KCNMB2: variants seen among roughly 807,000 people sequenced by gnomAD.
The protein encoded by KCNMB2 is calcium-activated potassium channel subunit beta-2.
Under a neutral mutation model 24.5 loss-of-function variants are expected in KCNMB2, and 9 were observed. That is an observed-to-expected ratio of 0.37 (90% CI 0.22 to 0.64). The LOEUF (loss-of-function observed/expected upper bound fraction) is 0.64. KCNMB2 is among the 30% of genes least tolerant of loss of function. The pLI is 0.63. For synonymous variants in KCNMB2, 109 were observed against 104.4 expected (o/e 1.04, Z -0.27); for missense variants, 226 against 284.3 (o/e 0.79, Z 1.47).
intron 1 of KCNMB2, among the ~76,000 whole-genome samples, chr3:178,806,261 AGAACCTG>A (rs1173274621): frequency 2.0e-5 from 3 of 152,262 alleles, no homozygotes; most frequent in African/African-American, 7.2e-5. Context: ...AGCATCATTT[AGAACCTG>A]GAAATAATAT....
rs58795423 is a variant in KCNMB2, at chr3:178,663,654, G to T, written c.-68+126943G>T. Among the ~76,000 whole-genome samples, 796 of 152,192 alleles carry T rather than the reference G, an allele frequency of 5.2e-3. 30 individuals are homozygous for T. In the East Asian group the frequency reaches 0.065, roughly 12 times the overall value. On this transcript the variant is annotated intron_variant, in intron 1 of 4. Coordinates refer to ENST00000452583, the MANE Select transcript of KCNMB2 (RefSeq NM_181361.3). ...TACTAGAAAGATTGAACTTTACATAGCTGCTCTCTAGGGACCTAGCTGATA... is the reference window on the plus strand; with the variant it reads ...TACTAGAAAGATTGAACTTTACATATCTGCTCTCTAGGGACCTAGCTGATA...
chr3:178,738,972 G>A (rs1723406641), intron 1 of KCNMB2, among the ~76,000 whole-genome samples: 1 of 152,036 alleles, frequency 6.6e-6, no homozygotes, highest in African/African-American at 2.4e-5. Flanking sequence ...AAATAATGCT[G>A]TGCAGGACAA....
At chr3:178,794,655 G>C (rs1713462389) in intron 1 of KCNMB2, among the ~76,000 whole-genome samples, 1 of 152,214 alleles carries the variant, frequency 6.6e-6, no homozygotes, top group Non-Finnish European at 1.5e-5. Flanking sequence ...CAGAAGCAGT[G>C]AGCACTAAGA....
intron 1 of KCNMB2, among the ~76,000 whole-genome samples, chr3:178,551,514 T>C (rs542028188): frequency 6.6e-6 from 1 of 152,328 alleles, no homozygotes; most frequent in South Asian, 2.1e-4. Flanking sequence ...CTAAGACATG[T>C]GCATTTTCAG....
At chr3:178,777,205 G>A (rs1712616851) in intron 1 of KCNMB2, among the ~76,000 whole-genome samples, 1 of 152,242 alleles carries the variant, frequency 6.6e-6, no homozygotes, top group East Asian at 1.9e-4. Context: ...GCAGGTCAAG[G>A]CAGGCAGATC....
intron 1 of KCNMB2, among the ~76,000 whole-genome samples, chr3:178,770,953 A>T (rs561041503): frequency 9.2e-5 from 14 of 152,310 alleles, no homozygotes; most frequent in African/African-American, 3.4e-4. Context: ...ATGAATAGAG[A>T]TGCCTGGCAG....
At chr3:178,679,284 A>G (rs1577091787) in intron 1 of KCNMB2, among the ~76,000 whole-genome samples, 1 of 152,042 alleles carries the variant, frequency 6.6e-6, no homozygotes, top group African/African-American at 2.4e-5. Flanking sequence ...AGGCTGGAGT[A>G]CAGTGGTGCA....
chr3:178,646,395 G>T (rs559248478), intron 1 of KCNMB2, among the ~76,000 whole-genome samples: 2 of 152,150 alleles, frequency 1.3e-5, no homozygotes, highest in Admixed American at 1.3e-4. Context: ...TGGTTTAACT[G>T]CCAGCTTCAT....
chr3:178,667,999 T>A (rs150304010), intron 1 of KCNMB2, among the ~76,000 whole-genome samples: 1 of 152,164 alleles, frequency 6.6e-6, no homozygotes, highest in Non-Finnish European at 1.5e-5. Flanking sequence ...TATCTCTTTT[T>A]ACATAAAAAC....
chr3:178,710,949 C>T (rs1300304600), intron 1 of KCNMB2, among the ~76,000 whole-genome samples: 1 of 152,114 alleles, frequency 6.6e-6, no homozygotes, highest in Non-Finnish European at 1.5e-5. Flanking sequence ...GAGCTGGAGA[C>T]ACGGGGCTGA....
intron 1 of KCNMB2, among the ~76,000 whole-genome samples, chr3:178,553,418 G>A (rs1233451599): frequency 2.0e-5 from 3 of 152,072 alleles, no homozygotes; most frequent in African/African-American, 7.2e-5. Context: ...TAAAAGGCAT[G>A]GACAAACCAC....
chr3:178,836,817 T>C (rs371294586), intron 4 of KCNMB2, among the ~76,000 whole-genome samples: 37 of 152,208 alleles, frequency 2.4e-4, no homozygotes, highest in Middle Eastern at 3.4e-3. Context: ...AAAAGAGAGA[T>C]CTAAAAATGA....
intron 1 of KCNMB2, among the ~76,000 whole-genome samples, chr3:178,609,351 T>C (rs1404086596): frequency 6.6e-6 from 1 of 152,186 alleles, no homozygotes; most frequent in East Asian, 1.9e-4. Flanking sequence ...TTTTTTCCTA[T>C]AGAGTCGTTT....
At chr3:178,640,191 G>T (rs138282524) in intron 1 of KCNMB2, among the ~76,000 whole-genome samples, 1 of 152,096 alleles carries the variant, frequency 6.6e-6, no homozygotes, top group Non-Finnish European at 1.5e-5. Flanking sequence ...AACTGTATTC[G>T]TCCGTTTTCA....
intron 1 of KCNMB2, among the ~76,000 whole-genome samples, chr3:178,708,903 A>G (rs1319422153): frequency 1.3e-5 from 2 of 152,196 alleles, no homozygotes; most frequent in Non-Finnish European, 2.9e-5. Flanking sequence ...GGTGAGTAAA[A>G]GAACAAATGA....
chr3:178,685,981 A>T (rs1721455759), intron 1 of KCNMB2, among the ~76,000 whole-genome samples: 1 of 152,330 alleles, frequency 6.6e-6, no homozygotes, highest in East Asian at 1.9e-4. Context: ...TCTTAATAAC[A>T]TCATTATGAA....
At chr3:178,577,195 C>T (rs1717026856) in intron 1 of KCNMB2, among the ~76,000 whole-genome samples, 1 of 152,188 alleles carries the variant, frequency 6.6e-6, no homozygotes, top group Non-Finnish European at 1.5e-5. Flanking sequence ...TGCTCTTCTG[C>T]AGCCTCCGCT....
intron 1 of KCNMB2, among the ~76,000 whole-genome samples, chr3:178,672,567 T>A (rs1720939145): frequency 6.6e-6 from 1 of 152,170 alleles, no homozygotes; most frequent in Admixed American, 6.5e-5. Context: ...CTAGAGGAGA[T>A]AAAGTTTGCT....
intron 1 of KCNMB2, among the ~76,000 whole-genome samples, chr3:178,712,562 A>C (rs1722488944): frequency 6.6e-6 from 1 of 152,136 alleles, no homozygotes; most frequent in South Asian, 2.1e-4. Context: ...TTACACGCAC[A>C]CTGTATGTGA....
Sources: gnomAD v4.1 joint callset for allele counts (sites outside exome capture counted in the v4.1 genomes callset) on GRCh38, gnomAD v4.1.1 for gene constraint, MANE v1.5 for transcripts, NCBI Gene and HGNC (gene_info 2026-07-23, HGNC 2026-07-21) for gene names.